The following PPME1 variants were observed in gnomAD, a reference collection of about 807,000 sequenced individuals.
PPME1 encodes the protein protein phosphatase methylesterase 1.
Under a neutral mutation model 56.9 loss-of-function variants are expected in PPME1, and 17 were observed. The ratio of observed to expected loss-of-function variants is 0.30; its 90% CI spans 0.20 to 0.45. The LOEUF is 0.45. PPME1 is among the 20% of genes least tolerant of loss of function. The pLI, the probability that PPME1 is intolerant of heterozygous loss-of-function variation, is 1.00. For synonymous variants in PPME1, 122 were observed against 156.2 expected (o/e 0.78, Z 1.63); for missense variants, 357 against 483.2 (o/e 0.74, Z 2.45).
intron 3 of PPME1, among the ~76,000 whole-genome samples, chr11:74,211,295 T>G (rs1267599445): frequency 2.6e-5 from 4 of 151,988 alleles, no homozygotes; most frequent in Non-Finnish European, 5.9e-5. Flanking sequence ...AAACTGAAAT[T>G]CACACAGAAT....
intron 13 of PPME1, chr11:74,251,970 G>A: frequency 1.5e-6 from 1 of 682,280 alleles, no homozygotes; most frequent in South Asian, 1.4e-5. Flanking sequence ...CCACTGTGAT[G>A]TGCATTTCTT....
At chr11:74,229,951 T>G (rs921052874) in intron 5 of PPME1, among the ~76,000 whole-genome samples, 1 of 152,218 alleles carries the variant, frequency 6.6e-6, no homozygotes, top group African/African-American at 2.4e-5. Context: ...AGGTATATGT[T>G]TATGTAATTG....
intron 3 of PPME1, 144 bp downstream of exon 3, chr11:74,204,589 C>T: frequency 1.6e-6 from 1 of 632,086 alleles, no homozygotes; most frequent in Non-Finnish European, 2.8e-6. Flanking sequence ...GTGGTATGTT[C>T]TTCAGTATGT....
intron 1 of PPME1, among the ~76,000 whole-genome samples, chr11:74,201,125 G>T (rs369551035): frequency 6.6e-6 from 1 of 151,974 alleles, no homozygotes; most frequent in South Asian, 2.1e-4. Flanking sequence ...ACAGGCGCCC[G>T]CCACCACACC....
At chr11:74,239,963 T>C (rs1210583243) in intron 9 of PPME1, among the ~76,000 whole-genome samples, 2 of 150,794 alleles carry the variant, frequency 1.3e-5, no homozygotes, top group Non-Finnish European at 3.0e-5. Context: ...TTTCCATTTT[T>C]TTTTTTTTTT....
At chr11:74,233,949 A>G (rs1859130608) in intron 7 of PPME1, among the ~76,000 whole-genome samples, 1 of 152,208 alleles carries the variant, frequency 6.6e-6, no homozygotes, top group African/African-American at 2.4e-5. Flanking sequence ...ATGAGGTGTG[A>G]AGTTGGTTAG....
At chr11:74,222,944 A>T (rs868624537) in intron 4 of PPME1, among the ~76,000 whole-genome samples, 2,672 of 149,516 alleles carry the variant, frequency 0.018, 73 homozygotes, top group African/African-American at 0.062. Context: ...TTTTTTTTTA[A>T]TTTTTTTTTA....
intron 1 of PPME1, among the ~76,000 whole-genome samples, chr11:74,178,978 A>G (rs888599742): frequency 6.6e-6 from 1 of 152,104 alleles, no homozygotes; most frequent in South Asian, 2.1e-4. Flanking sequence ...CCACACTTAG[A>G]TATTCTTCAA....
chr11:74,176,341 A>G (rs905186483), intron 1 of PPME1, among the ~76,000 whole-genome samples: 22 of 152,204 alleles, frequency 1.4e-4, no homozygotes, highest in African/African-American at 4.8e-4. Context: ...TTAATGAGCT[A>G]TTCACACAGA....
intron 8 of PPME1, 69 bp from the exon 9 acceptor site, chr11:74,239,064 A>G (rs1462532353): frequency 6.3e-6 from 9 of 1,438,736 alleles, no homozygotes; most frequent in East Asian, 2.3e-5. Flanking sequence ...GGCCGTAAGT[A>G]TGAGTATCTC....
intron 1 of PPME1, among the ~76,000 whole-genome samples, chr11:74,183,009 A>C (rs549995077): frequency 6.6e-6 from 1 of 150,840 alleles, no homozygotes; most frequent in African/African-American, 2.4e-5. Context: ...AAAAAAAAAA[A>C]AGTACGGGCT....
intron 5 of PPME1, among the ~76,000 whole-genome samples, chr11:74,227,930 C>G (rs891758859): frequency 3.9e-5 from 6 of 152,004 alleles, no homozygotes; most frequent in African/African-American, 1.4e-4. Context: ...ACCTCTCTAC[C>G]TTTGTGCATG....
chr11:74,186,623 A>T (rs1017367789), intron 1 of PPME1, among the ~76,000 whole-genome samples: 7 of 152,162 alleles, frequency 4.6e-5, no homozygotes, highest in Non-Finnish European at 8.8e-5. Flanking sequence ...CTCAAATTTC[A>T]TTAAGTTATA....
At chr11:74,224,324 C>G (rs1476555199) in intron 4 of PPME1, among the ~76,000 whole-genome samples, 1 of 141,528 alleles carries the variant, frequency 7.1e-6, no homozygotes, top group African/African-American at 2.9e-5. Flanking sequence ...GGTACCAGTA[C>G]CATGCTGTTT....
chr11:74,228,879 A>G (rs1858996061), intron 5 of PPME1, among the ~76,000 whole-genome samples: 1 of 152,156 alleles, frequency 6.6e-6, no homozygotes, highest in African/African-American at 2.4e-5. Context: ...ATTTTGTGTT[A>G]CTATAGAAGC....
chr11:74,201,701 G>A (rs377033694), intron 1 of PPME1, among the ~76,000 whole-genome samples: 16 of 152,282 alleles, frequency 1.1e-4, no homozygotes, highest in East Asian at 7.7e-4. Context: ...ATGGAATCAC[G>A]TCTGTGAAGT....
intron 1 of PPME1, among the ~76,000 whole-genome samples, chr11:74,199,410 C>T (rs1397537714): frequency 1.3e-5 from 2 of 152,222 alleles, no homozygotes; most frequent in Non-Finnish European, 2.9e-5. Flanking sequence ...TATCCTATGT[C>T]AGTTCCAGCC....
rs982870126 is a variant in PPME1, at chr11:74,251,733, G to T, written c.1142+18G>T. 6.2e-7 allele frequency: 1 copy of T among 1,613,730 alleles called. No individual in the cohort carries two copies. Among genetic ancestry groups the T allele is most frequent in the Non-Finnish European group, 8.5e-7 (1 of 1,179,760 alleles). ...TTCCAGTGGTAAGGCGGGTACAAGGGTTTAAGAACCCAGCAGTGCTGGCCG... is the reference window on the plus strand; with the variant it reads ...TTCCAGTGGTAAGGCGGGTACAAGGTTTTAAGAACCCAGCAGTGCTGGCCG... On this transcript the variant is annotated intron_variant, in intron 13 of 13. Transcript: ENST00000328257.
At chr11:74,229,831 G>T (rs953772311) in intron 5 of PPME1, among the ~76,000 whole-genome samples, 3 of 152,136 alleles carry the variant, frequency 2.0e-5, no homozygotes, top group Admixed American at 2.0e-4. Context: ...TGATTCTGAG[G>T]TTTACTACAT....
Sources: allele counts gnomAD v4.1 joint callset (sites outside exome capture counted in the v4.1 genomes callset), GRCh38; gene constraint gnomAD v4.1.1; transcripts MANE v1.5; gene names NCBI Gene and HGNC (gene_info 2026-07-23, HGNC 2026-07-21).